EPHA5: variants seen among roughly 807,000 people sequenced by gnomAD.
EPHA5 encodes ephrin type-A receptor 5.
A neutral mutation model predicts 105.0 loss-of-function variants in EPHA5; 60 were observed. The ratio of observed to expected loss-of-function variants is 0.57; its 90% CI spans 0.46 to 0.71. The LOEUF (loss-of-function observed/expected upper bound fraction) is 0.71. EPHA5 is among the 30% of genes least tolerant of loss of function. The pLI, the probability that EPHA5 is intolerant of heterozygous loss-of-function variation, is 0.00. For synonymous variants in EPHA5, 513 were observed against 449.1 expected (o/e 1.14, Z -1.80); for missense variants, 1,218 against 1,274.7 (o/e 0.96, Z 0.68).
intron 3 of EPHA5, among the ~76,000 whole-genome samples, chr4:65,552,900 C>T (rs995004422): frequency 1.3e-5 from 2 of 151,924 alleles, no homozygotes; most frequent in African/African-American, 2.4e-5. Context: ...AATATAGATA[C>T]ATTTCCCAGG....
intron 3 of EPHA5, among the ~76,000 whole-genome samples, chr4:65,589,420 G>A (rs964876339): frequency 9.2e-5 from 14 of 152,042 alleles, no homozygotes; most frequent in Non-Finnish European, 1.9e-4. Flanking sequence ...TATTATTACT[G>A]TTAAAGTTCC....
intron 14 of EPHA5, among the ~76,000 whole-genome samples, chr4:65,342,174 GT>G (rs1721793948): frequency 1.3e-5 from 2 of 151,818 alleles, no homozygotes; most frequent in South Asian, 4.1e-4. Context: ...TGTTGTTGTT[GT>G]TGTTAAACAT....
At chr4:65,355,585 A>G (rs1174573921) in intron 11 of EPHA5, among the ~76,000 whole-genome samples, 1 of 151,578 alleles carries the variant, frequency 6.6e-6, no homozygotes, top group Admixed American at 6.6e-5. Flanking sequence ...TCAAGAATAC[A>G]AAACTAATAT....
At chr4:65,517,901 T>C (rs1734263666) in intron 3 of EPHA5, among the ~76,000 whole-genome samples, 1 of 152,020 alleles carries the variant, frequency 6.6e-6, no homozygotes, top group South Asian at 2.1e-4. Flanking sequence ...TTAAAGATTC[T>C]ACTTTTAGTA....
chr4:65,648,277 T>G (rs537414091), intron 1 of EPHA5, among the ~76,000 whole-genome samples: 1 of 152,232 alleles, frequency 6.6e-6, no homozygotes, highest in Non-Finnish European at 1.5e-5. Flanking sequence ...TCTAACTTGT[T>G]CTGTATCACT....
chr4:65,416,434 A>G (rs1379155618), intron 6 of EPHA5, among the ~76,000 whole-genome samples: 1 of 152,182 alleles, frequency 6.6e-6, no homozygotes, highest in Admixed American at 6.6e-5. Context: ...AATAGGTTCT[A>G]TGTAGAATGG....
intron 3 of EPHA5, among the ~76,000 whole-genome samples, chr4:65,562,972 G>C (rs181083455): frequency 1.4e-3 from 219 of 151,982 alleles, no homozygotes; most frequent in Non-Finnish European, 2.6e-3. Flanking sequence ...GCAAGACCCA[G>C]TCTCTTAAAT....
intron 5 of EPHA5, among the ~76,000 whole-genome samples, chr4:65,460,814 G>A (rs569463764): frequency 2.0e-4 from 30 of 151,844 alleles, no homozygotes; most frequent in Admixed American, 1.5e-3. Flanking sequence ...TTCAATGTAC[G>A]TGTGTGTTTG....
intron 2 of EPHA5, among the ~76,000 whole-genome samples, chr4:65,642,254 C>A (rs1018517882): frequency 6.6e-6 from 1 of 151,888 alleles, no homozygotes; most frequent in Non-Finnish European, 1.5e-5. Context: ...TGTATAGGTT[C>A]TCATAGACAG....
intron 2 of EPHA5, among the ~76,000 whole-genome samples, chr4:65,642,183 T>A (rs868103185): frequency 2.6e-5 from 4 of 151,938 alleles, no homozygotes; most frequent in African/African-American, 4.8e-5. Flanking sequence ...GAAAAAAAAA[T>A]TAAAATATTT....
chr4:65,390,693 C>T (rs955437762), intron 8 of EPHA5, among the ~76,000 whole-genome samples: 4 of 151,742 alleles, frequency 2.6e-5, no homozygotes, highest in African/African-American at 4.8e-5. Flanking sequence ...AGGAAGAGTC[C>T]CAAAATAACA....
intron 5 of EPHA5, among the ~76,000 whole-genome samples, chr4:65,423,490 T>G (rs1056382099): frequency 2.0e-5 from 3 of 152,018 alleles, no homozygotes; most frequent in African/African-American, 4.8e-5. Flanking sequence ...ATTTGTCCAT[T>G]TTTCTTCATT....
intron 3 of EPHA5, among the ~76,000 whole-genome samples, chr4:65,547,135 G>T (rs1187302759): frequency 1.3e-5 from 2 of 151,986 alleles, no homozygotes; most frequent in African/African-American, 4.8e-5. Flanking sequence ...AAAGAGGTCT[G>T]TGTAGGTGTT....
At chr4:65,445,203 G>A (rs1214696533) in intron 5 of EPHA5, among the ~76,000 whole-genome samples, 1 of 152,036 alleles carries the variant, frequency 6.6e-6, no homozygotes, top group African/African-American at 2.4e-5. Context: ...TTGAAATTTA[G>A]TGTTGGGGTT....
At chr4:65,591,098 T>A (rs1285842078) in intron 3 of EPHA5, among the ~76,000 whole-genome samples, 1 of 152,094 alleles carries the variant, frequency 6.6e-6, no homozygotes. Context: ...ATGTTAAATT[T>A]TTATTAAGGT....
At chr4:65,596,030 G>A (rs4400048) in intron 3 of EPHA5, among the ~76,000 whole-genome samples, 74,101 of 151,910 alleles carry the variant, frequency 0.49, 19,796 homozygotes, top group Middle Eastern at 0.64. Flanking sequence ...AACTACTAGG[G>A]CATGCTGCCT....
intron 5 of EPHA5, among the ~76,000 whole-genome samples, chr4:65,449,174 T>C (rs935013038): frequency 1.3e-5 from 2 of 152,248 alleles, no homozygotes; most frequent in Non-Finnish European, 1.5e-5. Context: ...AAAAGATTGT[T>C]TAACTATGAC....
intron 16 of EPHA5, among the ~76,000 whole-genome samples, chr4:65,330,393 C>T (rs1301327259): frequency 6.6e-6 from 1 of 151,260 alleles, no homozygotes; most frequent in Non-Finnish European, 1.5e-5. Context: ...AAATATTCAA[C>T]ATATTTATAG....
intron 3 of EPHA5, among the ~76,000 whole-genome samples, chr4:65,532,977 T>C (rs985104731): frequency 3.3e-5 from 5 of 152,130 alleles, no homozygotes; most frequent in Non-Finnish European, 7.4e-5. Context: ...CATGCTTCCA[T>C]CCCCCTAAAC....
Sources: gnomAD v4.1 joint callset for allele counts (sites outside exome capture counted in the v4.1 genomes callset) on GRCh38, gnomAD v4.1.1 for gene constraint, MANE v1.5 for transcripts, NCBI Gene and HGNC (gene_info 2026-07-23, HGNC 2026-07-21) for gene names.